STX11: variants seen among roughly 807,000 people sequenced by gnomAD.
The protein encoded by STX11 is syntaxin 11, also known as syntaxin-11.
Under a neutral mutation model 19.9 loss-of-function variants are expected in STX11, and 21 were observed. That is an observed-to-expected ratio of 1.06 (90% CI 0.75 to 1.52). The LOEUF (loss-of-function observed/expected upper bound fraction) is 1.52, where lower values mean the gene tolerates loss of function less well. Among genes scored for constraint, STX11 ranks in the 40% most tolerant of loss-of-function variants. The pLI is 0.00. For synonymous variants in STX11, 193 were observed against 174.4 expected (o/e 1.11, Z -0.84); for missense variants, 438 against 405.9 (o/e 1.08, Z -0.68).
In STX11 at chr6:144,187,699, A is replaced by G; in HGVS notation, c.*208A>G. Reference sequence around the variant, plus strand: ...GATACCGTCCGATGATTCTTCAGTAAAGATAGATTCCCACAAAGTTGTGCA... The same window carrying G: ...GATACCGTCCGATGATTCTTCAGTAGAGATAGATTCCCACAAAGTTGTGCA... On this transcript the variant is annotated 3_prime_UTR_variant, in exon 2 of 2. Coordinates refer to ENST00000367568, the MANE Select transcript of STX11 (RefSeq NM_003764.4). The surrounding 1 kb of genome is among the most constrained non-coding windows in gnomAD (Gnocchi z 5.6). 1.5e-6 allele frequency: 1 copy of G among 676,562 alleles called. No homozygotes were observed. Among genetic ancestry groups the G allele is most frequent in the East Asian group, 2.7e-5 (1 of 36,378 alleles). The allele number at this position is 676,562 out of a possible 1,614,324, so 41.9% of individuals were successfully genotyped here.
upstream of STX11, among the ~76,000 whole-genome samples, chr6:144,147,050 A>C (rs1313291953): frequency 1.3e-5 from 2 of 151,926 alleles, no homozygotes; most frequent in Non-Finnish European, 2.9e-5. The surrounding 1 kb of genome is among the most constrained non-coding windows in gnomAD (Gnocchi z 4.2). Flanking sequence ...ACACCTGCTC[A>C]TCTACTCAAG....
At position 144,183,700 on chromosome 6, in the gene STX11, C is replaced by A. The variant is rs1370908367; in HGVS notation, c.-5-2923C>A. Among the ~76,000 whole-genome samples the A allele has an allele frequency of 2.0e-5, 3 of 152,090 alleles. No homozygotes were observed. Among genetic ancestry groups the A allele is most frequent in the African/African-American group, 7.2e-5 (3 of 41,410 alleles). Reference sequence around the variant, plus strand: ...CTGAGAGAGGTCTCAAGACCCTGAACAATAATACTGATTTTATTATTTTAT... The same window carrying A: ...CTGAGAGAGGTCTCAAGACCCTGAAAAATAATACTGATTTTATTATTTTAT... On this transcript the variant is annotated intron_variant, in intron 1 of 1. Coordinates refer to ENST00000367568, the MANE Select transcript of STX11 (RefSeq NM_003764.4). This position sits in a 1 kb window ranked among gnomAD's most constrained non-coding sequence, Gnocchi z 4.6.
At chr6:144,142,021 G>A in the STX11 span, among the ~76,000 whole-genome samples, 2 of 151,548 alleles carry the variant, frequency 1.3e-5, no homozygotes, top group African/African-American at 4.9e-5. Context: ...ATTATTAATG[G>A]TGAAGAACCT....
rs1168241398 is a variant in STX11 at position 144,176,959 on chromosome 6, A to T, written c.-5-9664A>T. Among the ~76,000 whole-genome samples, 2 of 152,234 alleles carry T rather than the reference A, an allele frequency of 1.3e-5. No homozygotes were observed. Among genetic ancestry groups the T allele is most frequent in the Admixed American group, 6.5e-5 (1 of 15,288 alleles). ...GATATTTCCGTACCTTGTGTAAAAG[A>T]TATCAGCCATATATAAGAATATTTT... On this transcript the variant is annotated intron_variant, in intron 1 of 1. Transcript: ENST00000367568. This position sits in a 1 kb window ranked among gnomAD's most constrained non-coding sequence, Gnocchi z 4.1.
At position 144,174,685 on chromosome 6, in the gene STX11, C is replaced by A. The variant is rs1444948279; in HGVS notation, c.-5-11938C>A. Among the ~76,000 whole-genome samples the A allele has an allele frequency of 2.0e-5, 3 of 152,088 alleles. No individual in the cohort carries two copies. Among genetic ancestry groups the A allele is most frequent in the Admixed American group, 2.0e-4 (3 of 15,268 alleles). ...TGGCCAGAAAAGTTTTTTTTGCACC[C>A]TTTCACAAAGAGTATGTACAAATTC... is the stretch of plus-strand genomic sequence containing the variant. On this transcript the variant is annotated intron_variant, in intron 1 of 1. Coordinates refer to ENST00000367568, the MANE Select transcript of STX11 (RefSeq NM_003764.4). This position sits in a 1 kb window ranked among gnomAD's most constrained non-coding sequence, Gnocchi z 5.3.
intron 1 of STX11, among the ~76,000 whole-genome samples, chr6:144,157,969 A>G (rs1373120299): frequency 6.6e-6 from 1 of 151,400 alleles, no homozygotes; most frequent in Non-Finnish European, 1.5e-5. Flanking sequence ...ATATTTCAGT[A>G]CAAAAAAAAA....
chr6:144,168,330 G>A (rs1801534471), intron 1 of STX11, among the ~76,000 whole-genome samples: 1 of 152,152 alleles, frequency 6.6e-6, no homozygotes, highest in Admixed American at 6.5e-5. Context: ...TGTTATACAT[G>A]CACGCTGCTC....
chr6:144,146,689 T>C (rs1430888070), upstream of STX11, among the ~76,000 whole-genome samples: 1 of 152,204 alleles, frequency 6.6e-6, no homozygotes, highest in Non-Finnish European at 1.5e-5. The surrounding 1 kb of genome is among the most constrained non-coding windows in gnomAD (Gnocchi z 4.4). Flanking sequence ...TCTGAATAGC[T>C]GGGACAACAG....
At position 144,177,715 on chromosome 6, in the gene STX11, A is replaced by G. The variant is rs1388725321; in HGVS notation, c.-5-8908A>G. Among the ~76,000 whole-genome samples the G allele has an allele frequency of 2.0e-5, 3 of 152,120 alleles. No individual in the cohort carries two copies. Among genetic ancestry groups the G allele is most frequent in the Non-Finnish European group, 4.4e-5 (3 of 68,024 alleles). ...CGGTGAGCCAAGATTGCACCACTGC[A>G]CTCCAGCCTGGGTGACAGAGGGAGA... is the stretch of plus-strand genomic sequence containing the variant. On this transcript the variant is annotated intron_variant, in intron 1 of 1. Coordinates refer to ENST00000367568, the MANE Select transcript of STX11 (RefSeq NM_003764.4). The surrounding 1 kb of genome is among the most constrained non-coding windows in gnomAD (Gnocchi z 4.4).
At chr6:144,140,187 T>G in the STX11 span, among the ~76,000 whole-genome samples, 1 of 139,778 alleles carries the variant, frequency 7.2e-6, no homozygotes, top group Non-Finnish European at 1.6e-5. Flanking sequence ...ACCTGTTTAC[T>G]CTGCCATTTT....
intron 1 of STX11, among the ~76,000 whole-genome samples, chr6:144,166,090 T>G (rs1225507043): frequency 6.6e-6 from 1 of 152,238 alleles, no homozygotes. Flanking sequence ...GGCTTCTGTC[T>G]GTTAGATGAA....
Position 144,187,242 on chromosome 6 carries a change from C to T in STX11, c.615C>T (p.Asn205=). ...TGAAGGGCGCGCGGGCCGCCCTCAA[C>T]GAGATCGAGAGCCGCCACCGCGAAC... ...ADVKGARAAL[N]EIESRHRELL... is the part of the protein sequence containing the mutation. Residue 205 remains asparagine, a synonymous_variant, in exon 2 of 2, where the codon AAC becomes AAT. Transcript: ENST00000367568. This position sits in a 1 kb window ranked among gnomAD's most constrained non-coding sequence, Gnocchi z 5.6. 1 of 1,613,838 alleles carries T rather than the reference C, an allele frequency of 6.2e-7. No homozygotes were observed. Among genetic ancestry groups the T allele is most frequent in the South Asian group, 1.1e-5 (1 of 91,084 alleles).
At chr6:144,179,344 C>A (rs1427456326) in intron 1 of STX11, among the ~76,000 whole-genome samples, 1 of 152,182 alleles carries the variant, frequency 6.6e-6, no homozygotes, top group African/African-American at 2.4e-5. Context: ...CAAACCATAT[C>A]ACCCTCTTAG....
At position 144,170,371 on chromosome 6, in the gene STX11, T is replaced by G. The variant is rs1218901123; in HGVS notation, c.-5-16252T>G. ...GTGTGTGTGCGTGGGAAGGGGAATCTGGACATGTGCAGAAAAGATGTATTG... is the reference window on the plus strand; with the variant it reads ...GTGTGTGTGCGTGGGAAGGGGAATCGGGACATGTGCAGAAAAGATGTATTG... On this transcript the variant is annotated intron_variant, in intron 1 of 1. Coordinates refer to ENST00000367568, the MANE Select transcript of STX11 (RefSeq NM_003764.4). The surrounding 1 kb of genome is among the most constrained non-coding windows in gnomAD (Gnocchi z 4.7). Among the ~76,000 whole-genome samples the G allele has an allele frequency of 6.6e-6, 1 of 152,208 alleles. No individual in the cohort carries two copies. The highest frequency in any genetic ancestry group is 1.9e-4 in the East Asian group (1 of 5,202).
At position 144,150,527 on chromosome 6, in the gene STX11, G is replaced by C; in HGVS notation, c.-182G>C. ...GAGCCGGCGGCGCCCAGATGCGGCC[G>C]CGGCGGCGCGGAGCTCGGGCGGCCG... On this transcript the variant is annotated 5_prime_UTR_variant, in exon 1 of 2. Coordinates refer to ENST00000367568, the MANE Select transcript of STX11 (RefSeq NM_003764.4). The C allele has an allele frequency of 1.0e-6, 1 of 985,380 alleles. No individual in the cohort carries two copies. Among genetic ancestry groups the C allele is most frequent in the Non-Finnish European group, 1.2e-6 (1 of 829,944 alleles). 61.0% of individuals were successfully genotyped at this position (985,380 alleles called of 1,614,324 possible).
At chr6:144,178,451 G>C (rs1312897643) in intron 1 of STX11, among the ~76,000 whole-genome samples, 1 of 152,222 alleles carries the variant, frequency 6.6e-6, no homozygotes, top group Non-Finnish European at 1.5e-5. Context: ...GCATCTGAAA[G>C]CATATTGCTA....
chr6:144,151,497 C>G lies in STX11; in HGVS notation c.-6+794C>G, dbSNP rs768226144. On this transcript the variant is annotated intron_variant, in intron 1 of 1. Coordinates refer to ENST00000367568, the MANE Select transcript of STX11 (RefSeq NM_003764.4). The surrounding 1 kb of genome is among the most constrained non-coding windows in gnomAD (Gnocchi z 4.6). ...GCGAGGCTTGCTTTAAAATGAGACT[C>G]TAGATGTGAAATGCCTGCCCTGCCA... The G allele has an allele frequency of 4.3e-6, 4 of 938,862 alleles. No individual in the cohort carries two copies. The highest frequency in any genetic ancestry group is 5.1e-6 in the Non-Finnish European group (4 of 787,466). The allele number at this position is 938,862 out of a possible 1,614,324, so 58.2% of individuals were successfully genotyped here.
chr6:144,176,339 A>T lies in STX11; in HGVS notation c.-5-10284A>T, dbSNP rs1028914035. Among the ~76,000 whole-genome samples, 1 of 152,128 alleles carries T rather than the reference A, an allele frequency of 6.6e-6. No homozygotes were observed. On this transcript the variant is annotated intron_variant, in intron 1 of 1. Coordinates refer to ENST00000367568, the MANE Select transcript of STX11 (RefSeq NM_003764.4). The surrounding 1 kb of genome is among the most constrained non-coding windows in gnomAD (Gnocchi z 4.1). ...AGACTTCTCTCTTACTCACTGGGTG[A>T]ACTTAACTTCTCCGAGACCCAGTTA...
chr6:144,144,072 T>C, the STX11 span, among the ~76,000 whole-genome samples: 6 of 152,240 alleles, frequency 3.9e-5, no homozygotes, highest in Admixed American at 1.3e-4. Flanking sequence ...TTCAACTCAG[T>C]GCTTACTACA....
Sources: allele counts gnomAD v4.1 joint callset (sites outside exome capture counted in the v4.1 genomes callset), GRCh38; gene constraint gnomAD v4.1.1; non-coding constraint Gnocchi (gnomAD v3.1); transcripts MANE v1.5; gene names NCBI Gene and HGNC (gene_info 2026-07-23, HGNC 2026-07-21).